The following PCDHGB2 variants were observed in gnomAD, a reference collection of about 807,000 sequenced individuals.
PCDHGB2 encodes the protein protocadherin gamma-B2.
A neutral mutation model predicts 59.3 loss-of-function variants in PCDHGB2; 55 were observed. That is an observed-to-expected ratio of 0.93 (90% CI 0.75 to 1.16). The LOEUF (loss-of-function observed/expected upper bound fraction) is 1.16. PCDHGB2 is among the 50% of genes most tolerant of loss of function. The pLI is 0.00. For missense variants in PCDHGB2, 1,228 were observed against 1,198.5 expected (o/e 1.02, Z -0.36); for synonymous variants, 516 against 512.0 (o/e 1.01, Z -0.11).
intron 1 of PCDHGB2, chr5:141,385,163 A>T: frequency 6.2e-7 from 1 of 1,614,182 alleles, no homozygotes; most frequent in Non-Finnish European, 8.5e-7. Flanking sequence ...ACCTATTCCC[A>T]TGAGGTCTCC....
chr5:141,374,715 T>C (rs1260634763), intron 1 of PCDHGB2: 1 of 1,609,848 alleles, frequency 6.2e-7, no homozygotes, highest in Non-Finnish European at 8.5e-7. Context: ...TACCGCCTGG[T>C]CCTTACTGCC....
chr5:141,436,921 C>T lies in PCDHGB2; in HGVS notation c.2422-57886C>T, dbSNP rs73794904. Among the ~76,000 whole-genome samples the T allele has an allele frequency of 9.3e-3, 1,413 of 152,246 alleles. 25 individuals carry two copies. The highest frequency in any genetic ancestry group is 0.032 in the African/African-American group (1,313 of 41,572). On this transcript the variant is annotated intron_variant, in intron 1 of 3. Coordinates refer to ENST00000522605, the MANE Select transcript of PCDHGB2 (RefSeq NM_018923.3). ...ATATGAGACAATTTTGTGAGTGTTA[C>T]TTTTTCTTTGTCTGAACCATAGTGA...
intron 1 of PCDHGB2, chr5:141,393,821 G>A: frequency 6.2e-7 from 1 of 1,613,734 alleles, no homozygotes; most frequent in South Asian, 1.1e-5. Context: ...TGCTCATTTC[G>A]GTGGAAGATG....
chr5:141,426,998 A>C (rs981827933), intron 1 of PCDHGB2: 8 of 456,664 alleles, frequency 1.8e-5, no homozygotes, highest in African/African-American at 1.6e-4. Flanking sequence ...ATAATGCCCC[A>C]GTTTTTAGCC....
At chr5:141,372,743 T>G (rs989554651) in intron 1 of PCDHGB2, 2 of 1,613,618 alleles carry the variant, frequency 1.2e-6, no homozygotes, top group Admixed American at 1.7e-5. Context: ...TTCTATGTGA[T>G]GAAGCCTCTT....
At chr5:141,459,831 G>A (rs907978430) in intron 1 of PCDHGB2, among the ~76,000 whole-genome samples, 1 of 152,150 alleles carries the variant, frequency 6.6e-6, no homozygotes, top group Admixed American at 6.6e-5. Context: ...CTTTTCATGT[G>A]TTGTCTATTT....
intron 1 of PCDHGB2, among the ~76,000 whole-genome samples, chr5:141,466,965 C>G (rs1345790988): frequency 6.6e-6 from 1 of 152,016 alleles, no homozygotes; most frequent in African/African-American, 2.4e-5. Context: ...CAAATATTTT[C>G]TCACAGCTCA....
chr5:141,418,883 G>A (rs376245268), intron 1 of PCDHGB2: 5 of 1,613,960 alleles, frequency 3.1e-6, no homozygotes, highest in East Asian at 2.2e-5. Flanking sequence ...AGACGAAAAC[G>A]ACAACAGCCC....
At chr5:141,456,204 C>A (rs867187371) in intron 1 of PCDHGB2, among the ~76,000 whole-genome samples, 17 of 152,222 alleles carry the variant, frequency 1.1e-4, no homozygotes, top group South Asian at 2.1e-4. Context: ...CTACCACATT[C>A]CTCCCTGTGG....
At chr5:141,414,489 G>A (rs754325517) in intron 1 of PCDHGB2, 33 of 1,613,754 alleles carry the variant, frequency 2.0e-5, no homozygotes, top group Middle Eastern at 1.6e-4. Flanking sequence ...CTCTATCAAC[G>A]GAAGCTCACT....
chr5:141,484,941 C>T (rs2099604065), intron 1 of PCDHGB2: 2 of 543,888 alleles, frequency 3.7e-6, no homozygotes, highest in East Asian at 6.3e-5. Context: ...ACGTTCTCTG[C>T]TCAGCCTATT....
At chr5:141,468,746 G>A (rs1298497433) in intron 1 of PCDHGB2, among the ~76,000 whole-genome samples, 1 of 151,850 alleles carries the variant, frequency 6.6e-6, no homozygotes, top group Non-Finnish European at 1.5e-5. Flanking sequence ...GGTGCCTGTA[G>A]TCCCAGCTAC....
At chr5:141,380,907 C>T (rs1406481355) in intron 1 of PCDHGB2, among the ~76,000 whole-genome samples, 3 of 152,296 alleles carry the variant, frequency 2.0e-5, no homozygotes, top group Admixed American at 6.5e-5. Flanking sequence ...TCTACAAGTG[C>T]TTACATTGTT....
intron 1 of PCDHGB2, among the ~76,000 whole-genome samples, chr5:141,461,181 A>T (rs1322465700): frequency 1.3e-5 from 2 of 152,104 alleles, no homozygotes; most frequent in Non-Finnish European, 2.9e-5. Flanking sequence ...ATTGAATGGT[A>T]GATCTGTTTT....
chr5:141,365,240 C>T, intron 1 of PCDHGB2: 1 of 1,613,976 alleles, frequency 6.2e-7, no homozygotes, highest in Non-Finnish European at 8.5e-7. Context: ...AATCTCAACT[C>T]TACAATCACT....
At position 141,489,077 on chromosome 5, in the gene PCDHGB2, C is replaced by T. The variant is rs957205894; in HGVS notation, c.2422-5730C>T. 7 of 325,682 alleles carry T rather than the reference C, an allele frequency of 2.1e-5. 1 individual carries two copies. Among genetic ancestry groups the T allele is most frequent in the South Asian group, 1.5e-4 (3 of 20,214 alleles). 20.2% of individuals were successfully genotyped at this position (325,682 alleles called of 1,614,324 possible). The stretch of plus-strand genomic sequence containing the variant: ...AGCTCCCCTCCCCCCTGCCCACCCC[C>T]GCCACTCGGTGACTAAGAACTGCTG... On this transcript the variant is annotated intron_variant, in intron 1 of 3. Transcript: ENST00000522605. This position sits in a 1 kb window ranked among gnomAD's most constrained non-coding sequence, Gnocchi z 4.5.
At position 141,489,886 on chromosome 5, in the gene PCDHGB2, G is replaced by A; in HGVS notation, c.2422-4921G>A. ...ACATCAGCTGGTGCTTACTGCTGTG[G>A]ATGGGGGGACCCCAGCCCGCTCAGG... is the stretch of plus-strand genomic sequence containing the variant. On this transcript the variant is annotated intron_variant, in intron 1 of 3. Transcript: ENST00000522605. This position sits in a 1 kb window ranked among gnomAD's most constrained non-coding sequence, Gnocchi z 4.5. 6.2e-7 allele frequency: 1 copy of A among 1,614,256 alleles called. No individual in the cohort carries two copies. The highest frequency in any genetic ancestry group is 8.5e-7 in the Non-Finnish European group (1 of 1,180,044).
Position 141,505,473 on chromosome 5 carries a change from C to T in PCDHGB2, c.2561C>T (p.Ser854Phe). The change falls in exon 3 of 4, where the codon TCC (serine) becomes TTC (phenylalanine). Residue 854 changes from serine to phenylalanine, a missense_variant. Transcript: ENST00000522605. Reference sequence around the variant, plus strand: ...ATGCTGCAAGCCATGATCTTGGCGTCCGCCAGTGGTAAGTGGTGTCAGTGT... The same window carrying T: ...ATGCTGCAAGCCATGATCTTGGCGTTCGCCAGTGGTAAGTGGTGTCAGTGT... ...TEMLQAMILA[S>F]ASEAADGSST... is the part of the protein sequence containing the mutation. The T allele has an allele frequency of 6.2e-7, 1 of 1,614,188 alleles. No homozygotes were observed. Among genetic ancestry groups the T allele is most frequent in the Non-Finnish European group, 8.5e-7 (1 of 1,180,014 alleles).
intron 1 of PCDHGB2, chr5:141,417,232 G>A (rs997894028): frequency 6.6e-6 from 1 of 152,072 alleles, no homozygotes; most frequent in Admixed American, 6.6e-5. Context: ...AAAATTTGTT[G>A]CTTATCTTCA....
Sources: gnomAD v4.1 joint callset for allele counts (sites outside exome capture counted in the v4.1 genomes callset) on GRCh38, gnomAD v4.1.1 for gene constraint, Gnocchi (gnomAD v3.1) non-coding constraint, MANE v1.5 for transcripts, NCBI Gene and HGNC (gene_info 2026-07-23, HGNC 2026-07-21) for gene names.